The following SACS variants were observed in gnomAD, a reference collection of about 807,000 sequenced individuals.
SACS encodes the protein sacsin.
In SACS, 197 loss-of-function variants were observed where a neutral mutation model predicts 348.0. That is an observed-to-expected ratio of 0.57 (90% CI 0.50 to 0.64). SACS has a LOEUF of 0.64. SACS is among the 30% of genes least tolerant of loss of function. The probability of loss-of-function intolerance (pLI) is 0.00; values close to 1 mark genes in which losing one functional copy is unlikely to be tolerated. For missense variants in SACS, 4,999 were observed against 5,360.8 expected, an observed-to-expected ratio of 0.93 and a Z score of 2.11; for synonymous variants, 1,985 against 1,910.6, an observed-to-expected ratio of 1.04 and a Z score of -1.02.
Position 23,411,497 on chromosome 13 carries a change from TG to T in SACS, c.-259del. 1 of 535,200 alleles carries T rather than the reference TG, an allele frequency of 1.9e-6. No individual in the cohort carries two copies. The allele number at this position is 535,200 out of a possible 1,614,324, so 33.2% of individuals were successfully genotyped here. ...GGTTGCCTGCTGATCCAGCGACCCATGGAAGTTCTCAGGATAAAACAGTGTG... is the reference window on the plus strand; with the variant it reads ...GGTTGCCTGCTGATCCAGCGACCCATGAAGTTCTCAGGATAAAACAGTGTG... On this transcript the variant is annotated 5_prime_UTR_variant, in exon 2 of 10. Coordinates refer to ENST00000382292, the MANE Select transcript of SACS (RefSeq NM_014363.6).
At chr13:23,358,276 T>C in intron 7 of SACS, 59 bp downstream of exon 7, 1 of 1,565,800 alleles carries the variant, frequency 6.4e-7, no homozygotes, top group Non-Finnish European at 8.8e-7. Flanking sequence ...ACCAAATACA[T>C]TACAGAATGT....
Position 23,392,019 on chromosome 13 carries a change from C to A in SACS, c.21-16750G>T, listed in dbSNP as rs377003889. Among the ~76,000 whole-genome samples, 14 of 152,296 alleles carry A rather than the reference C, an allele frequency of 9.2e-5. No homozygotes were observed. In the East Asian group the frequency reaches 1.7e-3, roughly 19 times the overall value. ...AAGGAAGGGCTCAGAATCACGCATG[C>A]AGACTGACTTTCCTGTCTCCCAGGA... On this transcript the variant is annotated intron_variant, in intron 2 of 9. Coordinates refer to ENST00000382292, the MANE Select transcript of SACS (RefSeq NM_014363.6).
intron 2 of SACS, chr13:23,375,471 TG>T (rs1333185286): frequency 8.6e-7 from 1 of 1,164,842 alleles, no homozygotes; most frequent in Non-Finnish European, 1.1e-6. Flanking sequence ...GGGATCCGCA[TG>T]GCGCAGTCCC....
At position 23,340,752 on chromosome 13, in the gene SACS, T is replaced by G. The variant is rs762338550; in HGVS notation, c.3124A>C (p.Ile1042Leu). 6.2e-7 allele frequency: 1 copy of G among 1,604,780 alleles called. No homozygotes were observed. The highest frequency in any genetic ancestry group is 8.5e-7 in the Non-Finnish European group (1 of 1,176,396). ...EWLTPLKFIQ[I>L]SQEQMVSAGE... ...GCTGATACCATCTGTTCCTGTGATA[T>G]CTGGATGAATTTTAATGGTGTTAAC... Residue 1042 changes from isoleucine (I) to leucine (L), a missense_variant, in exon 10 of 10, where the codon ATA becomes CTA. Coordinates refer to ENST00000382292, the MANE Select transcript of SACS (RefSeq NM_014363.6).
intron 2 of SACS, chr13:23,375,501 CGAG>C (rs1871720802): frequency 5.3e-6 from 6 of 1,133,624 alleles, no homozygotes; most frequent in African/African-American, 1.6e-5. Flanking sequence ...CAGCCCGCGC[CGAG>C]GAGGAAACGC....
intron 2 of SACS, among the ~76,000 whole-genome samples, chr13:23,378,836 A>C (rs1871923227): frequency 6.6e-6 from 1 of 152,218 alleles, no homozygotes; most frequent in Non-Finnish European, 1.5e-5. Flanking sequence ...AGTGTATTTT[A>C]ACAGAAGCTC....
At chr13:23,407,243 G>C (rs1873265297) in intron 2 of SACS, among the ~76,000 whole-genome samples, 1 of 152,040 alleles carries the variant, frequency 6.6e-6, no homozygotes, top group East Asian at 1.9e-4. Flanking sequence ...CTGTTGTCCA[G>C]GCTGGAGTGC....
chr13:23,336,114 G>A lies in SACS; in HGVS notation c.7762C>T (p.Leu2588Phe). ...DKWAPLQGPA[L>F]CVYNNQPFTE... ...AATGGCTGGTTGTTGTACACACAAA[G>A]TGCTGGCCCTTGCAATGGGGCCCAC... is the stretch of plus-strand genomic sequence containing the variant. The change falls in exon 10 of 10, where the codon CTT (leucine) becomes TTT (phenylalanine). Residue 2588 changes from leucine to phenylalanine, a missense_variant. Around this residue, in one of 6 missense-constraint regions of SACS, gnomAD observed 3,156 missense variants for 3,380.1 expected, o/e 0.93. Coordinates refer to ENST00000382292, the MANE Select transcript of SACS (RefSeq NM_014363.6). The A allele has an allele frequency of 6.2e-7, 1 of 1,612,784 alleles. No homozygotes were observed. The highest frequency in any genetic ancestry group is 8.5e-7 in the Non-Finnish European group (1 of 1,179,046).
chr13:23,419,766 T>G (rs1235834470), intron 1 of SACS, among the ~76,000 whole-genome samples: 1 of 152,238 alleles, frequency 6.6e-6, no homozygotes, highest in African/African-American at 2.4e-5. Context: ...TGCGAGTTCC[T>G]TATCTTCAGA....
In SACS at chr13:23,339,152, C is replaced by G. The variant is rs764992284; in HGVS notation, c.4724G>C (p.Arg1575Pro). Residue 1575 changes from arginine (R) to proline (P), a missense_variant, in exon 10 of 10, where the codon CGG (arginine) becomes CCG (proline). Coordinates refer to ENST00000382292, the MANE Select transcript of SACS (RefSeq NM_014363.6). ...TGGATCGAACATTATCATGAATTCC[C>G]GACTCATAATGATGGGAATGTCAGT... ...HITDIPIIMS[R>P]EFMIMFDPNI... The G allele has an allele frequency of 6.2e-7, 1 of 1,611,682 alleles. No individual in the cohort carries two copies. The highest frequency in any genetic ancestry group is 8.5e-7 in the Non-Finnish European group (1 of 1,178,566).
intron 2 of SACS, 124 bp downstream of exon 2, chr13:23,411,096 G>A: frequency 1.3e-6 from 1 of 774,732 alleles, no homozygotes; most frequent in South Asian, 1.5e-5. Context: ...AGATATGGAT[G>A]GTTAGTTCAC....
In SACS at chr13:23,341,632, C is replaced by T; in HGVS notation, c.2244G>A (p.Lys748=). ...LNPERFARLI[K]EVMNTFWPGR... ...CAGGCCAGAATGTATTCATTACTTC[C>T]TTGATAAGACGTGCAAATCGTTCTG... Residue 748 remains lysine, a synonymous_variant, in exon 10 of 10, where the codon AAG becomes AAA. Coordinates refer to ENST00000382292, the MANE Select transcript of SACS (RefSeq NM_014363.6). The T allele has an allele frequency of 6.2e-7, 1 of 1,613,580 alleles. No individual in the cohort carries two copies. The highest frequency in any genetic ancestry group is 8.5e-7 in the Non-Finnish European group (1 of 1,179,960).
intron 1 of SACS, among the ~76,000 whole-genome samples, chr13:23,412,661 G>A (rs1331238335): frequency 1.3e-5 from 2 of 152,036 alleles, no homozygotes; most frequent in Admixed American, 1.3e-4. Flanking sequence ...TGATCTCCCT[G>A]CCTCTCGAGC....
chr13:23,385,085 C>T (rs570625384), intron 2 of SACS, among the ~76,000 whole-genome samples: 6 of 151,628 alleles, frequency 4.0e-5, no homozygotes, highest in Admixed American at 2.0e-4. Context: ...CACGGTGAAA[C>T]GCCATCTCTA....
At chr13:23,346,318 G>T (rs905306210) in intron 9 of SACS, among the ~76,000 whole-genome samples, 1 of 152,072 alleles carries the variant, frequency 6.6e-6, no homozygotes, top group South Asian at 2.1e-4. Context: ...CTAATTTTTT[G>T]TATTTTTAGT....
chr13:23,399,019 C>CAAAAAAAAAAAAAAAAAAAAAAAA lies in SACS; in HGVS notation c.20+12200_20+12201insTTTTTTTTTTTTTTTTTTTTTTTT, dbSNP rs752943692. Among the ~76,000 whole-genome samples the CAAAAAAAAAAAAAAAAAAAAAAAA allele has an allele frequency of 2.2e-3, 147 of 67,112 alleles. 18 individuals are homozygous for CAAAAAAAAAAAAAAAAAAAAAAAA. The highest frequency in any genetic ancestry group is 3.6e-3 in the East Asian group (5 of 1,404). 44.0% of individuals were successfully genotyped at this position (67,112 alleles called of 152,430 possible). ...CTGGTAACAGAGTGAGACTCCATCT[C>CAAAAAAAAAAAAAAAAAAAAAAAA]AAAAAAAAAAAAAAAAAACATGGAT... On this transcript the variant is annotated intron_variant, in intron 2 of 9. Coordinates refer to ENST00000382292, the MANE Select transcript of SACS (RefSeq NM_014363.6).
At chr13:23,393,303 C>T (rs1872598827) in intron 2 of SACS, among the ~76,000 whole-genome samples, 3 of 152,168 alleles carry the variant, frequency 2.0e-5, no homozygotes, top group Admixed American at 2.0e-4. Flanking sequence ...TGTAAATATT[C>T]ACTGACTTTA....
At chr13:23,431,481 G>GT (rs1874431248) in intron 1 of SACS, among the ~76,000 whole-genome samples, 1 of 152,188 alleles carries the variant, frequency 6.6e-6, no homozygotes, top group African/African-American at 2.4e-5. Flanking sequence ...AATTAAAATA[G>GT]TAACAGGATT....
At chr13:23,360,388 CAAA>C (rs869085963) in intron 6 of SACS, among the ~76,000 whole-genome samples, 3 of 64,240 alleles carry the variant, frequency 4.7e-5, no homozygotes, top group African/African-American at 6.9e-5. Context: ...TCTACAAAGA[CAAA>C]AAAAAAAAAA....
Sources: gnomAD v4.1 joint callset for allele counts (sites outside exome capture counted in the v4.1 genomes callset) on GRCh38, gnomAD v4.1.1 for gene constraint, gnomAD v4.1.1 regional missense constraint, MANE v1.5 for transcripts, NCBI Gene and HGNC (gene_info 2026-07-23, HGNC 2026-07-21) for gene names.